The following GTPBP4 variants were observed in gnomAD, a reference collection of about 807,000 sequenced individuals.
GTPBP4 encodes the protein GTP-binding protein 4.
A neutral mutation model predicts 81.7 loss-of-function variants in GTPBP4; 15 were observed. The ratio of observed to expected loss-of-function variants is 0.18; its 90% confidence interval spans 0.12 to 0.28. GTPBP4 has a LOEUF of 0.28. Ranked by LOEUF, GTPBP4 falls within the 10% of genes least tolerant of loss-of-function variation. GTPBP4 has a pLI of 1.00. For missense variants in GTPBP4, 847 were observed against 793.8 expected, an observed-to-expected ratio of 1.07 and a Z score of -0.81; for synonymous variants, 272 against 274.6, an observed-to-expected ratio of 0.99 and a Z score of 0.09.
Position 1,014,273 on chromosome 10 carries a change from G to A in GTPBP4, c.1569G>A (p.Glu523=), listed in dbSNP as rs1279306604. The A allele has an allele frequency of 3.1e-6, 5 of 1,607,994 alleles. No individual in the cohort carries two copies. The highest frequency in any genetic ancestry group is 1.6e-4 in the Middle Eastern group (1 of 6,064). The change falls in exon 15 of 17, where the codon GAG becomes GAA. Residue 523 remains glutamate, a synonymous_variant. Coordinates refer to ENST00000360803, the MANE Select transcript of GTPBP4 (RefSeq NM_012341.3). ...TTCAGAGGACAGTTTTGGAGAAGGA[G>A]ATGCGTAGTCTTGGTGTTGACATGG... ...KKVQRTVLEK[E]MRSLGVDMDD...
At chr10:1,012,124 C>T (rs1831889049) in intron 13 of GTPBP4, among the ~76,000 whole-genome samples, 1 of 152,202 alleles carries the variant, frequency 6.6e-6, no homozygotes, top group Non-Finnish European at 1.5e-5. Context: ...ATCAGTGTCT[C>T]AGGACTGAGT....
chr10:1,012,526 T>A lies in GTPBP4; in HGVS notation c.1406T>A (p.Val469Glu), dbSNP rs766801110. Reference sequence around the variant, plus strand: ...ACAGCTGCTGGAGAGTATGACAGTGTATCTGAGAGTGAAGACGAAGAGATG... The same window carrying A: ...ACAGCTGCTGGAGAGTATGACAGTGAATCTGAGAGTGAAGACGAAGAGATG... ...LRTAAGEYDS[V>E]SESEDEEMLE... Residue 469 changes from valine (V) to glutamate (E), a missense_variant, in exon 14 of 17, where the codon GTA becomes GAA. Transcript: ENST00000360803. 1 of 1,612,872 alleles carries A rather than the reference T, an allele frequency of 6.2e-7. No individual in the cohort carries two copies. Among genetic ancestry groups the A allele is most frequent in the African/African-American group, 1.3e-5 (1 of 74,906 alleles).
intron 16 of GTPBP4, 72 bp downstream of exon 16, chr10:1,015,968 C>T: frequency 7.5e-7 from 1 of 1,339,076 alleles, no homozygotes. Context: ...TCAGGGCAAA[C>T]ACCAGCAGTT....
intron 2 of GTPBP4, among the ~76,000 whole-genome samples, chr10:993,635 GTTGCAAGGTT>G (rs1831487678): frequency 6.6e-6 from 1 of 152,168 alleles, no homozygotes; most frequent in Non-Finnish European, 1.5e-5. Context: ...GGGTAATGTG[GTTGCAAGGTT>G]AATTGAGGTT....
intron 1 of GTPBP4, among the ~76,000 whole-genome samples, chr10:991,097 C>T (rs1368777173): frequency 6.6e-6 from 1 of 150,874 alleles, no homozygotes; most frequent in East Asian, 1.9e-4. Flanking sequence ...CTGTTGTGAC[C>T]ACCCATTTAC....
chr10:992,543 C>T lies in GTPBP4; in HGVS notation c.103C>T (p.His35Tyr), dbSNP rs374198452. The part of the protein sequence containing the change: ...KTQRKTPTVI[H>Y]KHYQIHRIRH... Reference sequence around the variant, plus strand: ...TCAACGAAAGACTCCAACCGTTATTCATAAACATTACCAAATACATCGCAT... The same window carrying T: ...TCAACGAAAGACTCCAACCGTTATTTATAAACATTACCAAATACATCGCAT... The change falls in exon 2 of 17, where the codon CAT (histidine) becomes TAT (tyrosine). Residue 35 changes from histidine (H) to tyrosine (Y), a missense_variant. Physicochemically the swap from His to Tyr is moderately conservative, Grantham distance 83. This residue lies in a region of GTPBP4 where 241 missense variants were observed against 216.3 expected (regional missense o/e 1.11). Transcript: ENST00000360803. The T allele has an allele frequency of 6.2e-7, 1 of 1,603,244 alleles. No individual in the cohort carries two copies. The highest frequency in any genetic ancestry group is 1.3e-5 in the African/African-American group (1 of 74,684).
Position 996,149 on chromosome 10 carries a change from C to T in GTPBP4, c.367C>T (p.Leu123Phe), listed in dbSNP as rs1490654721. The change falls in exon 4 of 17, where the codon CTC (leucine) becomes TTC (phenylalanine). Residue 123 changes from leucine to phenylalanine, a missense_variant. Physicochemically the swap from Leu to Phe is conservative, Grantham distance 22. This residue lies in a region of GTPBP4 where 241 missense variants were observed against 216.3 expected (regional missense o/e 1.11). Transcript: ENST00000360803. ...YVRLMKYGDS[L>F]YRCKQLKRAA... ...GCGACTGATGAAGTATGGCGACTCT[C>T]TCTACCGCTGCAAACAGCTGAAGCG... 4.3e-6 allele frequency: 7 copies of T among 1,611,952 alleles called. No individual in the cohort carries two copies. The highest frequency in any genetic ancestry group is 5.9e-6 in the Non-Finnish European group (7 of 1,178,152).
intron 2 of GTPBP4, among the ~76,000 whole-genome samples, chr10:993,862 C>T (rs936781566): frequency 2.7e-5 from 4 of 150,938 alleles, no homozygotes; most frequent in African/African-American, 9.8e-5. Flanking sequence ...CAGGTTCAAG[C>T]GATTCTCCTG....
chr10:998,248 C>T (rs1156429086), intron 5 of GTPBP4, among the ~76,000 whole-genome samples: 6 of 151,984 alleles, frequency 3.9e-5, no homozygotes, highest in Non-Finnish European at 7.4e-5. Context: ...CACAGGTGCA[C>T]GCCACCGCAC....
chr10:1,001,307 AG>A (rs1310847569), intron 8 of GTPBP4, among the ~76,000 whole-genome samples: 1 of 152,238 alleles, frequency 6.6e-6, no homozygotes, highest in Non-Finnish European at 1.5e-5. Flanking sequence ...CTGTTGGAGA[AG>A]GGTGCTCACA....
Position 1,019,898 on chromosome 10 carries a change from T to C in GTPBP4, c.*2671T>C. 1 of 1,176,150 alleles carries C rather than the reference T, an allele frequency of 8.5e-7. No individual in the cohort carries two copies. Among genetic ancestry groups the C allele is most frequent in the South Asian group, 1.4e-5 (1 of 73,546 alleles). The allele number at this position is 1,176,150 out of a possible 1,614,324, so 72.9% of individuals were successfully genotyped here. A position where few individuals can be genotyped will look rare whatever the true frequency, so the allele number is the denominator to read the frequency against. On this transcript the variant is annotated 3_prime_UTR_variant, in exon 17 of 17. Transcript: ENST00000360803. ...GTAAAACACAGAATTTACAGAAAAA[T>C]AGAGAAAATAAACACATTTGTTTTC... is the stretch of plus-strand genomic sequence containing the variant.
chr10:1,001,816 C>G (rs970663509), intron 8 of GTPBP4, among the ~76,000 whole-genome samples: 4 of 151,664 alleles, frequency 2.6e-5, no homozygotes, highest in African/African-American at 7.3e-5. Flanking sequence ...AACATATGGT[C>G]TATCCTGGAG....
At chr10:988,658 C>A (rs974840875) in intron 1 of GTPBP4, 131 bp downstream of exon 1, 2 of 669,676 alleles carry the variant, frequency 3.0e-6, no homozygotes, top group African/African-American at 1.8e-5. Context: ...TGGGCCTGAC[C>A]GTCTGGCCGC....
chr10:997,411 T>G (rs1387513120), intron 5 of GTPBP4, 103 bp downstream of exon 5: 4 of 779,716 alleles, frequency 5.1e-6, no homozygotes, highest in South Asian at 4.2e-5. Flanking sequence ...AGGTCAGTGT[T>G]AACTGTATTC....
At position 1,007,099 on chromosome 10, in the gene GTPBP4, C is replaced by A; in HGVS notation, c.1084C>A (p.Leu362Met). The change falls in exon 10 of 17, where the codon CTG becomes ATG. Residue 362 changes from leucine (L) to methionine (M), a missense_variant. Physicochemically the swap from Leu to Met is conservative, Grantham distance 15. Transcript: ENST00000360803. ...GAATGAGGTGCTGAATAGACTGCAC[C>A]TGGCTATCCCAACCAGGAGGGACGA... is the stretch of plus-strand genomic sequence containing the variant. ...KVNEVLNRLHLAIPTRRDDKE... is the reference protein window; with the variant it reads ...KVNEVLNRLHMAIPTRRDDKE... 6.2e-7 allele frequency: 1 copy of A among 1,607,868 alleles called. No individual in the cohort carries two copies. The highest frequency in any genetic ancestry group is 8.5e-7 in the Non-Finnish European group (1 of 1,174,238).
intron 1 of GTPBP4, among the ~76,000 whole-genome samples, chr10:991,724 C>T (rs1831447157): frequency 9.0e-6 from 1 of 110,740 alleles, no homozygotes; most frequent in South Asian, 3.0e-4. Context: ...GAGACGGAGT[C>T]TCGCTCTGTC....
Position 1,018,935 on chromosome 10 carries a change from G to A in GTPBP4, c.*1708G>A, listed in dbSNP as rs1832038773. 6.6e-6 allele frequency: 1 copy of A among 152,178 alleles called. No homozygotes were observed. The allele number at this position is 152,178 out of a possible 1,614,324, so 9.4% of individuals were successfully genotyped here. On this transcript the variant is annotated 3_prime_UTR_variant, in exon 17 of 17. Coordinates refer to ENST00000360803, the MANE Select transcript of GTPBP4 (RefSeq NM_012341.3). Reference sequence around the variant, plus strand: ...TTTTAAAGCAAGTATGTCTTTATTTGTAAGCATATTACTGAAACGATCAAA... The same window carrying A: ...TTTTAAAGCAAGTATGTCTTTATTTATAAGCATATTACTGAAACGATCAAA...
rs1460432535 is a variant in GTPBP4, at chr10:1,019,546, C to T, written c.*2319C>T. ...ACTCTGTGTATTTTGTGAAGCTCCACAAACGGGGTCACGTCATCCAGGTGA... is the reference window on the plus strand; with the variant it reads ...ACTCTGTGTATTTTGTGAAGCTCCATAAACGGGGTCACGTCATCCAGGTGA... On this transcript the variant is annotated 3_prime_UTR_variant, in exon 17 of 17. Coordinates refer to ENST00000360803, the MANE Select transcript of GTPBP4 (RefSeq NM_012341.3). 1.9e-6 allele frequency: 3 copies of T among 1,613,610 alleles called. No individual in the cohort carries two copies. The highest frequency in any genetic ancestry group is 1.7e-5 in the Admixed American group (1 of 59,968).
chr10:1,008,370 A>G, intron 10 of GTPBP4: 1 of 361,940 alleles, frequency 2.8e-6, no homozygotes, highest in Non-Finnish European at 5.4e-6. Context: ...ACTCCACTGT[A>G]CTCCAGCCTG....
Sources: allele counts gnomAD v4.1 joint callset (sites outside exome capture counted in the v4.1 genomes callset), GRCh38; gene constraint gnomAD v4.1.1; regional missense constraint gnomAD v4.1.1; transcripts MANE v1.5; gene names NCBI Gene and HGNC (gene_info 2026-07-23, HGNC 2026-07-21).